The following ABLIM1 variants were observed in gnomAD, a reference collection of about 807,000 sequenced individuals.
The protein encoded by ABLIM1 is actin binding LIM protein 1.
In ABLIM1, 40 loss-of-function variants were observed where a neutral mutation model predicts 107.0. The observed-to-expected ratio is 0.37, with a 90% confidence interval of 0.29 to 0.49. The LOEUF (loss-of-function observed/expected upper bound fraction) is 0.49. Among genes scored for constraint, ABLIM1 ranks in the 20% least tolerant of loss-of-function variants. The pLI is 0.97. For synonymous variants in ABLIM1, 357 were observed against 357.3 expected (o/e 1.00, Z 0.01); for missense variants, 857 against 1,008.5 (o/e 0.85, Z 2.04).
chr10:114,798,564 C>A, the ABLIM1 span, among the ~76,000 whole-genome samples: 8,509 of 149,172 alleles, frequency 0.057, 405 homozygotes, highest in Non-Finnish European at 0.083. Context: ...AGACCCCCCC[C>A]CCATGTCTAC....
the ABLIM1 span, among the ~76,000 whole-genome samples, chr10:114,800,122 A>T: frequency 6.6e-6 from 1 of 152,152 alleles, no homozygotes; most frequent in Non-Finnish European, 1.5e-5. Flanking sequence ...GTTTGTTCAA[A>T]ACCCTCAAAT....
intron 4 of ABLIM1, among the ~76,000 whole-genome samples, chr10:114,569,266 G>A (rs2071278604): frequency 6.6e-6 from 1 of 151,932 alleles, no homozygotes; most frequent in Admixed American, 6.6e-5. Context: ...CTCTGCTACA[G>A]CTATCACCAT....
intron 4 of ABLIM1, among the ~76,000 whole-genome samples, chr10:114,561,520 C>T (rs1038959143): frequency 5.9e-5 from 9 of 152,160 alleles, no homozygotes; most frequent in African/African-American, 2.2e-4. Context: ...TCCCTGTCTC[C>T]CAGCCACCCA....
chr10:114,593,469 A>G lies in ABLIM1; in HGVS notation c.379+8358T>C, dbSNP rs568388476. 8.5e-5 allele frequency among the ~76,000 whole-genome samples: 13 copies of G among 152,332 alleles called. No individual in the cohort carries two copies. In the South Asian group the frequency reaches 2.5e-3, roughly 29 times the overall value. ...CCATGCTCCCCAAATCCCTTGGGGC[A>G]ACATTAGTAGGCTAGCTGGATGCTG... On this transcript the variant is annotated intron_variant, in intron 2 of 22. Transcript: ENST00000533213.
chr10:114,684,210 C>G, intron 1 of ABLIM1: 1 of 1,418,148 alleles, frequency 7.1e-7, no homozygotes, highest in Middle Eastern at 1.8e-4. Flanking sequence ...ATGGAAAAGC[C>G]CTGCATCTTT....
At chr10:114,704,786 G>T (rs1184617648) in intron 1 of ABLIM1, among the ~76,000 whole-genome samples, 4 of 152,096 alleles carry the variant, frequency 2.6e-5, no homozygotes, top group Non-Finnish European at 5.9e-5. Context: ...TCCACAGATT[G>T]TTTCCAAGGA....
intron 1 of ABLIM1, among the ~76,000 whole-genome samples, chr10:114,605,114 T>C (rs1445773732): frequency 6.6e-6 from 1 of 152,204 alleles, no homozygotes; most frequent in Non-Finnish European, 1.5e-5. Context: ...GAACAACCTA[T>C]TTGTAAAGAA....
chr10:114,684,764 C>T, exon 1 of ABLIM1: 1 of 980,752 alleles, frequency 1.0e-6, no homozygotes, highest in Non-Finnish European at 1.2e-6. Flanking sequence ...AGATTTTGAT[C>T]ACTATCATTT....
intron 1 of ABLIM1, among the ~76,000 whole-genome samples, chr10:114,635,133 C>T (rs936970083): frequency 1.3e-5 from 2 of 152,188 alleles, no homozygotes; most frequent in Non-Finnish European, 1.5e-5. Context: ...CTTCATAATA[C>T]GGACACCAAC....
intron 1 of ABLIM1, among the ~76,000 whole-genome samples, chr10:114,612,773 G>A (rs1466375956): frequency 6.6e-6 from 1 of 152,190 alleles, no homozygotes; most frequent in African/African-American, 2.4e-5. Flanking sequence ...TCCTGACTCT[G>A]AGAGTAGGAG....
At chr10:114,758,977 A>T (rs1253269314) in intron 1 of ABLIM1, among the ~76,000 whole-genome samples, 2 of 152,198 alleles carry the variant, frequency 1.3e-5, no homozygotes, top group Non-Finnish European at 2.9e-5. Context: ...AATAATAATT[A>T]TGCATGTTCA....
At chr10:114,663,116 T>C (rs567559259), upstream of ABLIM1, among the ~76,000 whole-genome samples, 9 of 152,364 alleles carry the variant, frequency 5.9e-5, 1 homozygote, top group African/African-American at 2.2e-4. Flanking sequence ...CTCTTCATCC[T>C]TCCCCTGCTT....
chr10:114,565,788 CTTTTTTTTTTT>C (rs577896964), intron 4 of ABLIM1, among the ~76,000 whole-genome samples: 7 of 101,082 alleles, frequency 6.9e-5, no homozygotes, highest in South Asian at 4.1e-4. Context: ...GAAATGATTT[CTTTTTTTTTTT>C]TTTTTTTTTT....
chr10:114,675,571 T>G (rs1054369780), intron 1 of ABLIM1, among the ~76,000 whole-genome samples: 2 of 152,206 alleles, frequency 1.3e-5, no homozygotes, highest in Admixed American at 6.5e-5. Context: ...CAGTCTCAGG[T>G]ATGTCCTTAT....
chr10:114,777,720 G>A, the ABLIM1 span, among the ~76,000 whole-genome samples: 4 of 152,104 alleles, frequency 2.6e-5, no homozygotes, highest in East Asian at 5.8e-4. Context: ...CCAGCCCCAC[G>A]CAAGCACCAA....
the ABLIM1 span, among the ~76,000 whole-genome samples, chr10:114,780,453 A>G: frequency 6.6e-6 from 1 of 152,174 alleles, no homozygotes; most frequent in South Asian, 2.1e-4. Context: ...AGAGAACAAA[A>G]AGTGGATTAG....
Position 114,503,231 on chromosome 10 carries a change from G to A in ABLIM1, c.895-11353C>T, listed in dbSNP as rs1018617215. Among the ~76,000 whole-genome samples the A allele has an allele frequency of 1.2e-4, 19 of 152,080 alleles. No homozygotes were observed. In the East Asian group the frequency reaches 2.3e-3, roughly 19 times the overall value. On this transcript the variant is annotated intron_variant, in intron 6 of 22. Transcript: ENST00000533213. ...TTTGGGAGGCCGAGGCAGGTGGATC[G>A]CTTGAGCCCAGAAGTTCAAGACTGG...
intron 2 of ABLIM1, among the ~76,000 whole-genome samples, chr10:114,589,031 C>T (rs2074515015): frequency 6.6e-6 from 1 of 152,066 alleles, no homozygotes; most frequent in African/African-American, 2.4e-5. Flanking sequence ...AAATTCCTAT[C>T]ACCTAGTGAC....
intron 1 of ABLIM1, among the ~76,000 whole-genome samples, chr10:114,740,969 G>T (rs2082275270): frequency 6.6e-6 from 1 of 151,074 alleles, no homozygotes; most frequent in Non-Finnish European, 1.5e-5. Context: ...GGAAGCGGGG[G>T]TTGCAGTGAG....
Sources: gnomAD v4.1 joint callset for allele counts (sites outside exome capture counted in the v4.1 genomes callset) on GRCh38, gnomAD v4.1.1 for gene constraint, MANE v1.5 for transcripts, NCBI Gene and HGNC (gene_info 2026-07-23, HGNC 2026-07-21) for gene names.